Variants in RNF185 observed in about 807,000 individuals in gnomAD.
The protein encoded by RNF185 is E3 ubiquitin-protein ligase RNF185.
RNF185 carries 13 observed loss-of-function variants against 24.9 expected under a neutral mutation model. The ratio of observed to expected loss-of-function variants is 0.52; its 90% CI spans 0.34 to 0.83. The LOEUF (loss-of-function observed/expected upper bound fraction) is 0.83. RNF185 is among the 40% of genes least tolerant of loss of function. RNF185 has a pLI of 0.01. For synonymous variants in RNF185, 79 were observed against 90.3 expected, an observed-to-expected ratio of 0.88 and a Z score of 0.71; for missense variants, 184 against 244.7, an observed-to-expected ratio of 0.75 and a Z score of 1.65.
intron 1 of RNF185, among the ~76,000 whole-genome samples, chr22:31,163,018 C>G (rs907319608): frequency 7.2e-5 from 11 of 152,104 alleles, no homozygotes; most frequent in African/African-American, 2.7e-4. Flanking sequence ...CCCGCCTCAG[C>G]CTCCCAAGGT....
chr22:31,193,549 G>A (rs925127804), intron 3 of RNF185, among the ~76,000 whole-genome samples: 5 of 152,030 alleles, frequency 3.3e-5, no homozygotes, highest in South Asian at 2.1e-4. Flanking sequence ...ATTCCAGCAC[G>A]TAGGGAGGCC....
intron 1 of RNF185, among the ~76,000 whole-genome samples, chr22:31,176,192 A>T (rs1268164435): frequency 1.3e-5 from 2 of 151,542 alleles, no homozygotes; most frequent in African/African-American, 4.9e-5. Flanking sequence ...AATATTTTTG[A>T]CCTCTTTTTT....
chr22:31,188,822 AAT>A (rs936089782), intron 2 of RNF185, among the ~76,000 whole-genome samples: 4 of 151,156 alleles, frequency 2.6e-5, no homozygotes, highest in African/African-American at 9.8e-5. Context: ...GTCTCTTAAA[AAT>A]ATATATATAT....
intron 1 of RNF185, among the ~76,000 whole-genome samples, chr22:31,183,792 A>AG (rs2048064150): frequency 1.3e-5 from 2 of 152,242 alleles, no homozygotes; most frequent in South Asian, 4.1e-4. Context: ...CTTTCTACAC[A>AG]GACACAATAA....
At chr22:31,180,958 T>TGTGTCTGC (rs2048030442) in intron 1 of RNF185, among the ~76,000 whole-genome samples, 1 of 151,200 alleles carries the variant, frequency 6.6e-6, no homozygotes, top group East Asian at 1.9e-4. Flanking sequence ...TGTGTGTGTG[T>TGTGTCTGC]CTGCCTGTCT....
intron 6 of RNF185, among the ~76,000 whole-genome samples, chr22:31,202,595 T>C (rs1051559204): frequency 6.7e-6 from 1 of 148,916 alleles, no homozygotes; most frequent in Non-Finnish European, 1.5e-5. Context: ...CACCAAGATA[T>C]CTTGGGAATG....
chr22:31,161,875 G>A (rs1166622827), intron 1 of RNF185, among the ~76,000 whole-genome samples: 1 of 125,808 alleles, frequency 7.9e-6, no homozygotes, highest in Non-Finnish European at 1.7e-5. Context: ...ACAAGTTCCA[G>A]CTTTTTTTTT....
rs1187875560 is a variant in RNF185, at chr22:31,205,428, A to AG, written c.*844dup. ...AAGCTGAGACTGACTACTGTGCATT[A>AG]GGAAAGACCTGGAGTCAGGACTTTG... is the stretch of plus-strand genomic sequence containing the variant. On this transcript the variant is annotated 3_prime_UTR_variant, in exon 7 of 7. Transcript: ENST00000326132. 5 of 160,954 alleles carry AG rather than the reference A, an allele frequency of 3.1e-5. No homozygotes were observed. The highest frequency in any genetic ancestry group is 7.2e-5 in the African/African-American group (3 of 41,472). 10.0% of individuals were successfully genotyped at this position (160,954 alleles called of 1,614,324 possible). A position where few individuals can be genotyped will look rare whatever the true frequency, so the allele number is the denominator to read the frequency against.
chr22:31,171,156 C>CTTACTTACTTAT (rs149267234), intron 1 of RNF185, among the ~76,000 whole-genome samples: 1 of 143,150 alleles, frequency 7.0e-6, no homozygotes, highest in African/African-American at 2.6e-5. Context: ...CTCTGATTTA[C>CTTACTTACTTAT]TTATTTATTT....
chr22:31,184,557 A>G (rs560081822), intron 1 of RNF185, among the ~76,000 whole-genome samples: 3 of 152,254 alleles, frequency 2.0e-5, no homozygotes, highest in South Asian at 2.1e-4. Context: ...TGGGAGGCCA[A>G]GGCAGGCGGC....
chr22:31,202,775 G>A (rs1281899438), intron 6 of RNF185, among the ~76,000 whole-genome samples: 1 of 151,980 alleles, frequency 6.6e-6, no homozygotes, highest in East Asian at 1.9e-4. Context: ...ACCACGCCTG[G>A]CTAATTTTTT....
intron 5 of RNF185, among the ~76,000 whole-genome samples, chr22:31,197,323 C>T (rs1221060995): frequency 6.6e-6 from 1 of 152,110 alleles, no homozygotes; most frequent in Non-Finnish European, 1.5e-5. Context: ...TTGTAACCCT[C>T]TCTTAAAATT....
chr22:31,184,276 C>T (rs942150156), intron 1 of RNF185, among the ~76,000 whole-genome samples: 8 of 151,334 alleles, frequency 5.3e-5, no homozygotes, highest in Non-Finnish European at 1.2e-4. Context: ...AGTTCCCAGA[C>T]GGGGTCGCGG....
At chr22:31,163,065 G>A (rs889945383) in intron 1 of RNF185, among the ~76,000 whole-genome samples, 1 of 151,900 alleles carries the variant, frequency 6.6e-6, no homozygotes, top group Non-Finnish European at 1.5e-5. Flanking sequence ...CGTCTGGCCT[G>A]CTTTTTACAT....
chr22:31,206,356 C>A lies in RNF185; in HGVS notation c.*1770C>A, dbSNP rs1236884923. On this transcript the variant is annotated 3_prime_UTR_variant, in exon 7 of 7. Transcript: ENST00000326132. ...GTGTGCCTGATAGATTTTAAACATT[C>A]CTGGGCACCCACTCAAGAGTGCTCT... The A allele has an allele frequency of 2.6e-5, 4 of 152,568 alleles. No individual in the cohort carries two copies. The East Asian group carries it at 7.7e-4, about 29-fold the overall frequency. The allele number at this position is 152,568 out of a possible 1,614,324, so 9.5% of individuals were successfully genotyped here. A position where few individuals can be genotyped will look rare whatever the true frequency, so the allele number is the denominator to read the frequency against.
chr22:31,184,829 C>G (rs931759162), intron 1 of RNF185, among the ~76,000 whole-genome samples: 2 of 150,930 alleles, frequency 1.3e-5, no homozygotes, highest in African/African-American at 4.9e-5. Flanking sequence ...GCAGGAGAAT[C>G]AGGCAGGGAG....
At chr22:31,176,977 A>C (rs5997898) in intron 1 of RNF185, among the ~76,000 whole-genome samples, 86,721 of 151,998 alleles carry the variant, frequency 0.57, 25,028 homozygotes, top group Middle Eastern at 0.65. Flanking sequence ...TTGGAAGGTT[A>C]GGCAGATCTG....
At chr22:31,186,143 C>CT (rs975009421) in intron 1 of RNF185, among the ~76,000 whole-genome samples, 34 of 152,186 alleles carry the variant, frequency 2.2e-4, no homozygotes, top group Middle Eastern at 6.8e-3. Context: ...TTTAAATGTA[C>CT]TGAGGCTAAA....
chr22:31,203,131 A>C (rs1411137188), intron 6 of RNF185, among the ~76,000 whole-genome samples: 6 of 152,188 alleles, frequency 3.9e-5, no homozygotes, highest in Non-Finnish European at 8.8e-5. Context: ...TTCCACAGCC[A>C]GGCTAGACTC....
Sources: gnomAD v4.1 joint callset for allele counts (sites outside exome capture counted in the v4.1 genomes callset) on GRCh38, gnomAD v4.1.1 for gene constraint, MANE v1.5 for transcripts, NCBI Gene and HGNC (gene_info 2026-07-23, HGNC 2026-07-21) for gene names.